PEAK1: variants seen among roughly 807,000 people sequenced by gnomAD.
The protein encoded by PEAK1 is pseudopodium enriched atypical kinase 1.
A neutral mutation model predicts 124.7 loss-of-function variants in PEAK1; 54 were observed. That is an observed-to-expected ratio of 0.43 (90% CI 0.35 to 0.54). The LOEUF (loss-of-function observed/expected upper bound fraction) is 0.54, where lower values mean the gene tolerates loss of function less well. Ranked by LOEUF, PEAK1 falls within the 20% of genes least tolerant of loss-of-function variation. The pLI is 0.01. For synonymous variants in PEAK1, 719 were observed against 760.0 expected (o/e 0.95, Z 0.89); for missense variants, 2,046 against 2,134.5 (o/e 0.96, Z 0.82).
At chr15:77,299,338 GTTT>G (rs1278453837) in intron 2 of PEAK1, among the ~76,000 whole-genome samples, 1 of 152,136 alleles carries the variant, frequency 6.6e-6, no homozygotes, top group Admixed American at 6.5e-5. Context: ...TTCAAGAATG[GTTT>G]TTTCCCCAAT....
intron 1 of PEAK1, chr15:77,404,852 G>A (rs2071677128): frequency 1.2e-6 from 1 of 867,220 alleles, no homozygotes; most frequent in Non-Finnish European, 1.4e-6. Flanking sequence ...ATGAAAAAAA[G>A]AAAAATGCCA....
intron 1 of PEAK1, among the ~76,000 whole-genome samples, chr15:77,378,020 G>A (rs1167848409): frequency 6.6e-6 from 1 of 151,944 alleles, no homozygotes; most frequent in African/African-American, 2.4e-5. Flanking sequence ...CTATGAGACT[G>A]GGCAAGTTGA....
chr15:77,406,001 C>T (rs1209403439), intron 1 of PEAK1, among the ~76,000 whole-genome samples: 1 of 152,174 alleles, frequency 6.6e-6, no homozygotes, highest in East Asian at 1.9e-4. Flanking sequence ...TCACAAGCTG[C>T]GTTTGTATGG....
At position 77,275,229 on chromosome 15, in the gene PEAK1, G is replaced by A. The variant is rs150346765; in HGVS notation, c.-275+8654C>T. Among the ~76,000 whole-genome samples, 25 of 152,276 alleles carry A rather than the reference G, an allele frequency of 1.6e-4. 1 individual carries two copies. In the East Asian group the frequency reaches 4.8e-3, roughly 29 times the overall value. ...TGGGTACAGCGTGTACTTCTAGGGT[G>A]ATAGGTGCACCAAAATCTCATAAAT... is the stretch of plus-strand genomic sequence containing the variant. On this transcript the variant is annotated intron_variant, in intron 5 of 9. Coordinates refer to ENST00000682557, the MANE Select transcript of PEAK1 (RefSeq NM_001385026.1).
At chr15:77,153,420 C>T (rs1305548071) in intron 8 of PEAK1, among the ~76,000 whole-genome samples, 1 of 152,026 alleles carries the variant, frequency 6.6e-6, no homozygotes, top group African/African-American at 2.4e-5. Context: ...TTTTGTTGAT[C>T]TTTTCAAAAA....
chr15:77,419,666 C>A, intron 1 of PEAK1: 1 of 985,190 alleles, frequency 1.0e-6, no homozygotes, highest in Middle Eastern at 5.2e-4. Context: ...CCAGCCGCGC[C>A]CGGGGGCGTC....
chr15:77,133,333 C>T lies in PEAK1; in HGVS notation c.3749G>A (p.Ser1250Asn). The change falls in exon 9 of 10, where the codon AGC becomes AAC. Residue 1250 changes from serine to asparagine, a missense_variant. Coordinates refer to ENST00000682557, the MANE Select transcript of PEAK1 (RefSeq NM_001385026.1). The surrounding 1 kb of genome is among the most constrained non-coding windows in gnomAD (Gnocchi z 4.2). ...TLSIKDRFSN[S>N]MESLSSRRGP... ...ACGCCGGCTGGAGAGGGATTCCATG[C>T]TGTTGGAAAATCTATCCTTAATACT... is the stretch of plus-strand genomic sequence containing the variant. The T allele has an allele frequency of 2.5e-6, 4 of 1,614,242 alleles. No homozygotes were observed. The South Asian group carries it at 4.4e-5, about 18-fold the overall frequency.
At chr15:77,317,167 A>G (rs527918595) in intron 2 of PEAK1, among the ~76,000 whole-genome samples, 1 of 152,224 alleles carries the variant, frequency 6.6e-6, no homozygotes, top group Admixed American at 6.5e-5. Context: ...TACTATGTGC[A>G]TAGAAAAAAA....
At chr15:77,420,314 A>C (rs1457866426), upstream of PEAK1, 3 of 150,474 alleles carry the variant, frequency 2.0e-5, no homozygotes, top group African/African-American at 7.3e-5. Context: ...CCTCAGCCCC[A>C]GCGGGAGGAG....
At chr15:77,345,147 C>T (rs2066793220) in intron 2 of PEAK1, among the ~76,000 whole-genome samples, 2 of 152,150 alleles carry the variant, frequency 1.3e-5, no homozygotes, top group African/African-American at 2.4e-5. Flanking sequence ...CAGTTTTCCA[C>T]CATTGATTAA....
chr15:77,290,895 C>G (rs2063177470), intron 2 of PEAK1, among the ~76,000 whole-genome samples: 2 of 152,092 alleles, frequency 1.3e-5, no homozygotes, highest in Non-Finnish European at 2.9e-5. Context: ...ATAAGCAGCA[C>G]AAATAAATCA....
intron 7 of PEAK1, among the ~76,000 whole-genome samples, chr15:77,159,716 G>A (rs2055464556): frequency 6.6e-6 from 1 of 152,158 alleles, no homozygotes; most frequent in African/African-American, 2.4e-5. Context: ...AGTGAGTCAT[G>A]GTGACATTTA....
intron 5 of PEAK1, among the ~76,000 whole-genome samples, chr15:77,257,018 T>C (rs574637592): frequency 2.6e-5 from 4 of 152,276 alleles, no homozygotes; most frequent in South Asian, 4.1e-4. Context: ...AGAATGATGA[T>C]TTCCAATTTC....
rs796090307 is a variant in PEAK1 at position 77,206,968 on chromosome 15, A to G, written c.-114-24928T>C. Among the ~76,000 whole-genome samples, 9 of 152,238 alleles carry G rather than the reference A, an allele frequency of 5.9e-5. No individual in the cohort carries two copies. The East Asian group carries it at 1.4e-3, about 23-fold the overall frequency. On this transcript the variant is annotated intron_variant, in intron 6 of 9. Coordinates refer to ENST00000682557, the MANE Select transcript of PEAK1 (RefSeq NM_001385026.1). Reference sequence around the variant, plus strand: ...CCCTCAGAAATAACGCCGCATACCTACAACTGTCTGATCTTTGACAAACCT... The same window carrying G: ...CCCTCAGAAATAACGCCGCATACCTGCAACTGTCTGATCTTTGACAAACCT...
chr15:77,360,897 A>G (rs188729819), intron 2 of PEAK1, among the ~76,000 whole-genome samples: 4 of 152,274 alleles, frequency 2.6e-5, no homozygotes, highest in Admixed American at 2.0e-4. Flanking sequence ...CAAAGGGATC[A>G]AAGACCTGAA....
rs888974950 is a variant in PEAK1, at chr15:77,371,727, A to C, written c.-665-6502T>G. ...ACATGGTGAAATGCCGTCTCTACTA[A>C]AAATACAAAAATTAGCTAGGTGCAG... On this transcript the variant is annotated intron_variant, in intron 1 of 9. Transcript: ENST00000682557. 2.6e-5 allele frequency among the ~76,000 whole-genome samples: 4 copies of C among 152,332 alleles called. No individual in the cohort carries two copies. The East Asian group carries it at 7.7e-4, about 29-fold the overall frequency.
chr15:77,118,089 T>C (rs765811761), intron 9 of PEAK1, among the ~76,000 whole-genome samples: 2 of 152,206 alleles, frequency 1.3e-5, no homozygotes, highest in Non-Finnish European at 2.9e-5. Context: ...ATAGATAACC[T>C]GAGTGGGCAG....
intron 2 of PEAK1, among the ~76,000 whole-genome samples, chr15:77,320,973 T>C (rs1355634383): frequency 2.0e-5 from 3 of 152,186 alleles, no homozygotes; most frequent in Non-Finnish European, 2.9e-5. Context: ...TCCATGTCCC[T>C]ACAAAGGACA....
At chr15:77,218,388 T>C (rs1555446845) in intron 6 of PEAK1, among the ~76,000 whole-genome samples, 8 of 152,002 alleles carry the variant, frequency 5.3e-5, no homozygotes, top group Non-Finnish European at 1.5e-5. Context: ...GAAATAATCA[T>C]GTTTTTTTTT....
Sources: allele counts gnomAD v4.1 joint callset (sites outside exome capture counted in the v4.1 genomes callset), GRCh38; gene constraint gnomAD v4.1.1; non-coding constraint Gnocchi (gnomAD v3.1); transcripts MANE v1.5; gene names NCBI Gene and HGNC (gene_info 2026-07-23, HGNC 2026-07-21).